ESR1: variants seen among roughly 807,000 people sequenced by gnomAD.
ESR1 encodes estrogen receptor.
A neutral mutation model predicts 52.7 loss-of-function variants in ESR1; 12 were observed. The observed-to-expected ratio is 0.23, with a 90% CI of 0.15 to 0.37. The LOEUF (loss-of-function observed/expected upper bound fraction) is 0.37, where lower values mean the gene tolerates loss of function less well. ESR1 is among the 10% of genes least tolerant of loss of function. ESR1 has a pLI of 1.00. For missense variants in ESR1, 584 were observed against 779.7 expected (o/e 0.75, Z 2.99); for synonymous variants, 305 against 316.8 (o/e 0.96, Z 0.39).
At chr6:151,765,366 AAATT>A (rs1421962723) in intron 2 of ESR1, among the ~76,000 whole-genome samples, 1 of 152,244 alleles carries the variant, frequency 6.6e-6, no homozygotes, top group Non-Finnish European at 1.5e-5. Flanking sequence ...TAAATCAATG[AAATT>A]AATTAAAATG....
At chr6:151,681,445 T>G (rs1484182116) in intron 1 of ESR1, among the ~76,000 whole-genome samples, 1 of 150,756 alleles carries the variant, frequency 6.6e-6, no homozygotes, top group Non-Finnish European at 1.5e-5. Context: ...GGGGAGCTGT[T>G]GAGGGTCCCG....
At chr6:151,849,609 A>T (rs1413348935) in intron 2 of ESR1, among the ~76,000 whole-genome samples, 1 of 151,378 alleles carries the variant, frequency 6.6e-6, no homozygotes, top group Non-Finnish European at 1.5e-5. Flanking sequence ...GCGACACTGC[A>T]CTCCAGCCTG....
chr6:151,885,967 G>A (rs1793776067), intron 3 of ESR1, among the ~76,000 whole-genome samples: 1 of 152,044 alleles, frequency 6.6e-6, no homozygotes, highest in East Asian at 1.9e-4. Context: ...ACAAGTGTTA[G>A]CTATTACATA....
At chr6:151,833,957 T>A (rs1782854490) in intron 1 of ESR1, among the ~76,000 whole-genome samples, 1 of 152,142 alleles carries the variant, frequency 6.6e-6, no homozygotes, top group Non-Finnish European at 1.5e-5. Context: ...AATCTCATCA[T>A]CACTGGCCAT....
At chr6:151,776,265 G>T (rs555923653) in intron 2 of ESR1, among the ~76,000 whole-genome samples, 1 of 152,116 alleles carries the variant, frequency 6.6e-6, no homozygotes, top group Non-Finnish European at 1.5e-5. Flanking sequence ...CGAAACCACA[G>T]GCTGAAATAT....
chr6:151,715,767 T>G (rs1311331029), intron 2 of ESR1, among the ~76,000 whole-genome samples: 1 of 152,216 alleles, frequency 6.6e-6, no homozygotes, highest in Non-Finnish European at 1.5e-5. Context: ...CTTCCTTGCC[T>G]TGGGTTAGAA....
intron 3 of ESR1, among the ~76,000 whole-genome samples, chr6:151,917,659 T>C (rs1417409521): frequency 6.6e-6 from 1 of 152,108 alleles, no homozygotes; most frequent in East Asian, 1.9e-4. Context: ...CAGTTAAAGG[T>C]GTGGTAACCT....
intron 5 of ESR1, among the ~76,000 whole-genome samples, chr6:152,028,990 C>T (rs1316762897): frequency 3.3e-5 from 5 of 152,304 alleles, no homozygotes; most frequent in African/African-American, 7.2e-5. Flanking sequence ...CACCAATATC[C>T]GCTGTTCTGC....
intron 6 of ESR1, among the ~76,000 whole-genome samples, chr6:152,121,054 T>A (rs2051316224): frequency 6.6e-6 from 1 of 152,186 alleles, no homozygotes; most frequent in Non-Finnish European, 1.5e-5. Context: ...TGCAGGAATA[T>A]GTGCTCCGGA....
At chr6:151,736,461 T>C (rs1782685158) in intron 2 of ESR1, among the ~76,000 whole-genome samples, 1 of 147,974 alleles carries the variant, frequency 6.8e-6, no homozygotes, top group Non-Finnish European at 1.5e-5. Context: ...CAACCTCCAC[T>C]TCCCGGCCTC....
At chr6:151,684,967 T>C (rs533842140) in intron 1 of ESR1, among the ~76,000 whole-genome samples, 2 of 152,354 alleles carry the variant, frequency 1.3e-5, no homozygotes, top group South Asian at 4.1e-4. Flanking sequence ...TTGTTTGTTC[T>C]GAGGGGTTTA....
chr6:151,806,510 AT>A (rs1277972296), upstream of ESR1, among the ~76,000 whole-genome samples: 1 of 133,866 alleles, frequency 7.5e-6, no homozygotes, highest in Non-Finnish European at 1.6e-5. Flanking sequence ...TACTTCACCT[AT>A]TTTTTGTCTC....
chr6:152,041,810 G>A (rs1160040751), intron 5 of ESR1, among the ~76,000 whole-genome samples: 4 of 152,222 alleles, frequency 2.6e-5, no homozygotes, highest in Admixed American at 2.6e-4. Context: ...CCAGCTGAAG[G>A]CAAATTGCTT....
At chr6:151,872,683 A>G (rs908439095) in intron 2 of ESR1, among the ~76,000 whole-genome samples, 12 of 152,140 alleles carry the variant, frequency 7.9e-5, no homozygotes, top group East Asian at 5.8e-4. Flanking sequence ...TTCTAATTCT[A>G]TGCTGCTATT....
In ESR1 at chr6:152,098,509, A is replaced by G. The variant is rs369670755; in HGVS notation, c.1554-223A>G. ...AGTGTGAGGGTGGGACCGCCCTGGT[A>G]GGAGGTGGAAAATGAAAAACACACG... On this transcript the variant is annotated intron_variant, in intron 7 of 7. Coordinates refer to ENST00000206249, the MANE Select transcript of ESR1 (RefSeq NM_000125.4). The surrounding 1 kb of genome is among the most constrained non-coding windows in gnomAD (Gnocchi z 5.1). 1.4e-4 allele frequency among the ~76,000 whole-genome samples: 22 copies of G among 152,148 alleles called. 2 individuals are homozygous for G. The highest frequency in any genetic ancestry group is 5.8e-4 in the East Asian group (3 of 5,152).
intron 5 of ESR1, among the ~76,000 whole-genome samples, chr6:152,046,421 GA>G (rs895929763): frequency 3.9e-5 from 6 of 152,052 alleles, no homozygotes; most frequent in African/African-American, 1.4e-4. Flanking sequence ...CTAATCAAAA[GA>G]AAAAAATTAA....
At chr6:151,843,114 C>T (rs774117716) in intron 2 of ESR1, among the ~76,000 whole-genome samples, 1 of 152,150 alleles carries the variant, frequency 6.6e-6, no homozygotes, top group Admixed American at 6.5e-5. Context: ...CTGGGGAATG[C>T]CAGATGGACA....
intron 6 of ESR1, among the ~76,000 whole-genome samples, chr6:152,084,735 A>G (rs2049555253): frequency 6.6e-6 from 1 of 152,024 alleles, no homozygotes; most frequent in South Asian, 2.1e-4. Context: ...ATTCAACATG[A>G]AAACTCTTTT....
intron 2 of ESR1, among the ~76,000 whole-genome samples, chr6:151,775,563 C>T (rs1292936481): frequency 2.0e-5 from 3 of 151,922 alleles, no homozygotes. Flanking sequence ...CTGGCTAACA[C>T]GGTGAAACCC....
Sources: allele counts gnomAD v4.1 joint callset (sites outside exome capture counted in the v4.1 genomes callset), GRCh38; gene constraint gnomAD v4.1.1; non-coding constraint Gnocchi (gnomAD v3.1); transcripts MANE v1.5; gene names NCBI Gene and HGNC (gene_info 2026-07-23, HGNC 2026-07-21).